RIPOR3: variants seen among roughly 807,000 people sequenced by gnomAD.
RIPOR3 encodes the protein RIPOR family member 3, also known as family with sequence similarity 65 member C.
Under a neutral mutation model 114.3 loss-of-function variants are expected in RIPOR3, and 95 were observed. The observed-to-expected ratio is 0.83, with a 90% CI of 0.70 to 0.99. The LOEUF is 0.99. Among genes scored for constraint, RIPOR3 ranks in the 50% least tolerant of loss-of-function variants. RIPOR3 has a pLI of 0.00. For missense variants in RIPOR3, 1,252 were observed against 1,266.9 expected, an observed-to-expected ratio of 0.99 and a Z score of 0.18; for synonymous variants, 575 against 543.8, an observed-to-expected ratio of 1.06 and a Z score of -0.80.
intron 1 of RIPOR3, among the ~76,000 whole-genome samples, chr20:50,643,211 C>T (rs1054168891): frequency 2.0e-5 from 3 of 151,518 alleles, no homozygotes; most frequent in Admixed American, 6.6e-5. Context: ...CAACCTTTGC[C>T]TCCAGGCTCC....
intron 1 of RIPOR3, among the ~76,000 whole-genome samples, chr20:50,665,287 A>C (rs1300519769): frequency 6.6e-6 from 1 of 151,088 alleles, no homozygotes; most frequent in African/African-American, 2.4e-5. Context: ...AAATACCAAA[A>C]AAAAAAAAAA....
intron 16 of RIPOR3, 65 bp from the exon 17 acceptor site, chr20:50,594,779 G>C: frequency 6.5e-7 from 1 of 1,549,050 alleles, no homozygotes; most frequent in Non-Finnish European, 8.8e-7. Flanking sequence ...GGACCCGAAA[G>C]GTTTCCCTCC....
chr20:50,620,765 C>G, intron 2 of RIPOR3: 2 of 765,030 alleles, frequency 2.6e-6, no homozygotes, highest in Non-Finnish European at 4.2e-6. Context: ...AGCCATGGCT[C>G]TGCGCTACCC....
intron 4 of RIPOR3, among the ~76,000 whole-genome samples, chr20:50,612,364 A>G (rs2084008020): frequency 6.6e-6 from 1 of 152,096 alleles, no homozygotes; most frequent in South Asian, 2.1e-4. Flanking sequence ...TGGTCAAGAA[A>G]CATTTTTTTA....
At position 50,669,976 on chromosome 20, in the gene RIPOR3, G is replaced by A. The variant is rs180766464; in HGVS notation, c.3+21150C>T. ...GTTCAAGACCAGCCTGGCCAACCTG[G>A]CGAAACCCCATCTCTACTAAAAATA... On this transcript the variant is annotated intron_variant, in intron 1 of 21. Transcript: ENST00000327979. Among the ~76,000 whole-genome samples, 10 of 151,550 alleles carry A rather than the reference G, an allele frequency of 6.6e-5. 1 individual carries two copies. Among genetic ancestry groups the A allele is most frequent in the African/African-American group, 2.2e-4 (9 of 41,348 alleles).
chr20:50,642,596 C>A (rs7268217), intron 1 of RIPOR3, among the ~76,000 whole-genome samples: 6 of 151,524 alleles, frequency 4.0e-5, no homozygotes, highest in African/African-American at 1.5e-4. Flanking sequence ...CCATCTCCCC[C>A]CTCCCCCCAT....
intron 1 of RIPOR3, among the ~76,000 whole-genome samples, chr20:50,673,029 T>G (rs2086572571): frequency 6.6e-6 from 1 of 152,200 alleles, no homozygotes; most frequent in Non-Finnish European, 1.5e-5. Flanking sequence ...TTGAATGTGC[T>G]GAGAGCTGGA....
intron 1 of RIPOR3, 52 bp from the exon 2 acceptor site, chr20:50,630,908 C>T (rs528434024): frequency 2.6e-5 from 38 of 1,434,570 alleles, no homozygotes; most frequent in East Asian, 2.5e-4. Flanking sequence ...CAGCGAGTGC[C>T]GTCCGCAGGC....
chr20:50,659,668 A>AT (rs1441918157), intron 1 of RIPOR3, among the ~76,000 whole-genome samples: 3 of 151,332 alleles, frequency 2.0e-5, no homozygotes, highest in African/African-American at 7.3e-5. Context: ...AAAAAAAAAA[A>AT]TTCTAACCAG....
Position 50,609,321 on chromosome 20 carries a change from G to C in RIPOR3, c.612C>G (p.His204Gln). 3 of 1,613,928 alleles carry C rather than the reference G, an allele frequency of 1.9e-6. No individual in the cohort carries two copies. In the South Asian group the frequency reaches 3.3e-5, roughly 18 times the overall value. Residue 204 changes from histidine to glutamine, a missense_variant, in exon 8 of 22, where the codon CAC becomes CAG. Physicochemically the swap from His to Gln is conservative, Grantham distance 24. Coordinates refer to ENST00000327979, the MANE Select transcript of RIPOR3 (RefSeq NM_001290268.2). ...MWLIEGALEV[H>Q]LGEFHIRMKG... Reference sequence around the variant, plus strand: ...TCATCCTGATGTGGAACTCGCCCAGGTGAACCTCCAGGGCCCCCTCGATGA... The same window carrying C: ...TCATCCTGATGTGGAACTCGCCCAGCTGAACCTCCAGGGCCCCCTCGATGA...
chr20:50,690,232 A>G (rs891058311), intron 1 of RIPOR3, among the ~76,000 whole-genome samples: 2 of 152,240 alleles, frequency 1.3e-5, no homozygotes, highest in Non-Finnish European at 2.9e-5. Context: ...TGCAAAGGCA[A>G]AATAAAATTG....
At chr20:50,650,762 T>C (rs774368480) in intron 1 of RIPOR3, among the ~76,000 whole-genome samples, 6 of 152,026 alleles carry the variant, frequency 3.9e-5, no homozygotes, top group Non-Finnish European at 8.8e-5. Flanking sequence ...CCCAAGACCT[T>C]CCCCAGTCTC....
chr20:50,652,831 C>T (rs573907922), intron 1 of RIPOR3, among the ~76,000 whole-genome samples: 3 of 152,260 alleles, frequency 2.0e-5, no homozygotes, highest in African/African-American at 7.2e-5. Flanking sequence ...AACCCTGGTA[C>T]GCTACTGGTG....
intron 4 of RIPOR3, among the ~76,000 whole-genome samples, chr20:50,615,108 A>AGTGTGTGTGTGTGTGTGTGTGTGTGT (rs56136460): frequency 1.4e-5 from 2 of 138,414 alleles, no homozygotes; most frequent in African/African-American, 5.6e-5. Context: ...GCTATTTGTG[A>AGTGTGTGTGTGTGTGTGTGTGTGTGT]GTGTGTGTGT....
chr20:50,602,543 G>A lies in RIPOR3; in HGVS notation c.1188C>T (p.Ser396=), dbSNP rs1193933055. ...GCAGCTCCTGACTCTGGCTTCTTAG[G>A]CTGGGACCCCGGAGGTCGCTGTCAG... ...YLSDSDLRGP[S]LRSQSQELPE... Residue 396 remains serine (S), a synonymous_variant, in exon 13 of 22, where the codon AGC becomes AGT. Transcript: ENST00000327979. This position sits in a 1 kb window ranked among gnomAD's most constrained non-coding sequence, Gnocchi z 4.3. 1.9e-6 allele frequency: 3 copies of A among 1,557,628 alleles called. No individual in the cohort carries two copies. Among genetic ancestry groups the A allele is most frequent in the Non-Finnish European group, 2.6e-6 (3 of 1,152,170 alleles).
chr20:50,677,702 C>T lies in RIPOR3; in HGVS notation c.3+13424G>A, dbSNP rs2086721752. Among the ~76,000 whole-genome samples, 3 of 120,584 alleles carry T rather than the reference C, an allele frequency of 2.5e-5. No homozygotes were observed. In the Admixed American group the frequency reaches 2.8e-4, roughly 11 times the overall value. The allele number at this position is 120,584 out of a possible 152,430, so 79.1% of individuals were successfully genotyped here. On this transcript the variant is annotated intron_variant, in intron 1 of 21. Coordinates refer to ENST00000327979, the MANE Select transcript of RIPOR3 (RefSeq NM_001290268.2). ...TTTTTTTTTTTGAGACAAGATCTCA[C>T]TCTGTCACCCAGGCTGGAGTGCAGT...
At chr20:50,598,592 G>A (rs2083384824) in intron 13 of RIPOR3, among the ~76,000 whole-genome samples, 2 of 152,162 alleles carry the variant, frequency 1.3e-5, no homozygotes, top group South Asian at 4.1e-4. Context: ...GCATACATGT[G>A]TATGTAAGTG....
intron 13 of RIPOR3, 123 bp from the exon 14 acceptor site, chr20:50,597,833 C>CCGT (rs1343420239): frequency 1.4e-6 from 2 of 1,412,942 alleles, no homozygotes; most frequent in Non-Finnish European, 9.4e-7. Context: ...ATCCCACACA[C>CCGT]CGTCCCCCAG....
At chr20:50,674,855 G>A (rs894878266) in intron 1 of RIPOR3, among the ~76,000 whole-genome samples, 6 of 151,932 alleles carry the variant, frequency 3.9e-5, no homozygotes, top group Non-Finnish European at 8.8e-5. Context: ...GGCTGAGACA[G>A]GAGGATCACT....
Sources: allele counts gnomAD v4.1 joint callset (sites outside exome capture counted in the v4.1 genomes callset), GRCh38; gene constraint gnomAD v4.1.1; non-coding constraint Gnocchi (gnomAD v3.1); transcripts MANE v1.5; gene names NCBI Gene and HGNC (gene_info 2026-07-23, HGNC 2026-07-21).